Variants in KLHL25 observed in about 807,000 individuals in gnomAD.
The protein encoded by KLHL25 is kelch-like protein 25.
A neutral mutation model predicts 30.0 loss-of-function variants in KLHL25; 41 were observed. The observed-to-expected ratio is 1.37, with a 90% CI of 1.07 to 1.78. The LOEUF (loss-of-function observed/expected upper bound fraction) is 1.78. KLHL25 is among the 40% of genes most tolerant of loss of function. The pLI, the probability that KLHL25 is intolerant of heterozygous loss-of-function variation, is 0.00. For missense variants in KLHL25, 971 were observed against 824.5 expected (o/e 1.18, Z -2.18); for synonymous variants, 399 against 355.3 (o/e 1.12, Z -1.38).
At chr15:85,771,440 C>T (rs369998188) in intron 1 of KLHL25, among the ~76,000 whole-genome samples, 3 of 152,252 alleles carry the variant, frequency 2.0e-5, no homozygotes, top group East Asian at 1.9e-4. Context: ...AGGTAGGAAA[C>T]GATTTCATGC....
chr15:85,774,077 C>T (rs992515589), intron 1 of KLHL25, among the ~76,000 whole-genome samples: 3 of 152,142 alleles, frequency 2.0e-5, no homozygotes, highest in African/African-American at 7.2e-5. Context: ...GATGCAAAAG[C>T]AGCCCAAGCC....
At chr15:85,772,039 G>C (rs1226532843) in intron 1 of KLHL25, among the ~76,000 whole-genome samples, 1 of 152,162 alleles carries the variant, frequency 6.6e-6, no homozygotes, top group Non-Finnish European at 1.5e-5. Flanking sequence ...TGCTGTGATT[G>C]CTAAACTCTC....
intron 1 of KLHL25, chr15:85,770,845 G>C (rs1019006108): frequency 2.9e-6 from 1 of 340,632 alleles, no homozygotes; most frequent in African/African-American, 2.2e-5. Context: ...TGATGGCCAA[G>C]AAACAGGTTC....
intron 1 of KLHL25, among the ~76,000 whole-genome samples, chr15:85,794,428 A>C (rs1400366941): frequency 6.6e-6 from 1 of 152,256 alleles, no homozygotes; most frequent in Non-Finnish European, 1.5e-5. Context: ...TAATTTTTTA[A>C]AAAAAAGAGT....
intron 2 of KLHL25, chr15:85,761,369 T>C (rs2089581644): frequency 6.6e-6 from 1 of 152,264 alleles, no homozygotes; most frequent in Admixed American, 6.5e-5. Flanking sequence ...GTGAGAGCCG[T>C]GGTTGCAGGT....
chr15:85,773,065 C>T (rs370343468), intron 1 of KLHL25, among the ~76,000 whole-genome samples: 2 of 152,356 alleles, frequency 1.3e-5, no homozygotes, highest in East Asian at 1.9e-4. Flanking sequence ...CACTGGAGCC[C>T]CACTTTACAG....
chr15:85,784,988 A>C (rs766040457), intron 1 of KLHL25, among the ~76,000 whole-genome samples: 15 of 152,198 alleles, frequency 9.9e-5, no homozygotes, highest in South Asian at 2.1e-4. Context: ...CATTAAAAAC[A>C]CACCAGGTAA....
intron 1 of KLHL25, among the ~76,000 whole-genome samples, chr15:85,773,172 G>C (rs1029819528): frequency 3.3e-5 from 5 of 152,242 alleles, no homozygotes; most frequent in African/African-American, 1.2e-4. Context: ...ACCATGTGTG[G>C]GGCTCACTGA....
chr15:85,785,942 G>A (rs1204676904), intron 1 of KLHL25, among the ~76,000 whole-genome samples: 2 of 151,494 alleles, frequency 1.3e-5, no homozygotes, highest in African/African-American at 4.9e-5. Context: ...TGGGACAGGA[G>A]CCCAGCAAAG....
In KLHL25 at chr15:85,759,730, GC is replaced by G. The variant is rs2089567381; in HGVS notation, c.*1305del. 1 of 152,306 alleles carries G rather than the reference GC, an allele frequency of 6.6e-6. No individual in the cohort carries two copies. Among genetic ancestry groups the G allele is most frequent in the Admixed American group, 6.5e-5 (1 of 15,290 alleles). 9.4% of individuals were successfully genotyped at this position (152,306 alleles called of 1,614,324 possible). On this transcript the variant is annotated 3_prime_UTR_variant, in exon 3 of 3. Transcript: ENST00000337975. ...TGCTTAAGTAACTGGTATGTGCACAGCCCCCTCCGCGGCCCTAATCTTGAGC... is the reference window on the plus strand; with the variant it reads ...TGCTTAAGTAACTGGTATGTGCACAGCCCCTCCGCGGCCCTAATCTTGAGC...
intron 1 of KLHL25, among the ~76,000 whole-genome samples, chr15:85,772,682 G>A (rs1306916128): frequency 1.3e-5 from 2 of 152,206 alleles, no homozygotes; most frequent in East Asian, 1.9e-4. Flanking sequence ...TCAAAAGACC[G>A]AGAAAGCCAA....
At chr15:85,786,089 G>A (rs1224221560) in intron 1 of KLHL25, among the ~76,000 whole-genome samples, 2 of 151,876 alleles carry the variant, frequency 1.3e-5, no homozygotes, top group African/African-American at 2.4e-5. Context: ...ACTGCTTTCA[G>A]CGAGGCCCCT....
chr15:85,791,625 G>A (rs1177244010), intron 1 of KLHL25, among the ~76,000 whole-genome samples: 1 of 152,178 alleles, frequency 6.6e-6, no homozygotes, highest in Non-Finnish European at 1.5e-5. Flanking sequence ...TAGGGGGCGG[G>A]GGTGAGGTGA....
chr15:85,788,254 G>A (rs1240784679), intron 1 of KLHL25, among the ~76,000 whole-genome samples: 1 of 152,164 alleles, frequency 6.6e-6, no homozygotes, highest in African/African-American at 2.4e-5. Context: ...TGCACGAGCT[G>A]TGCTACCCAC....
At chr15:85,779,261 C>T (rs993676720) in intron 1 of KLHL25, among the ~76,000 whole-genome samples, 1 of 152,116 alleles carries the variant, frequency 6.6e-6, no homozygotes. Flanking sequence ...AAGCCACACC[C>T]AGGAGCTCCA....
At chr15:85,793,688 A>G (rs941275397) in intron 1 of KLHL25, among the ~76,000 whole-genome samples, 1 of 152,126 alleles carries the variant, frequency 6.6e-6, no homozygotes, top group African/African-American at 2.4e-5. Context: ...TCCTGGTGCT[A>G]CTGCTAACTT....
chr15:85,768,902 C>T lies in KLHL25; in HGVS notation c.909G>A (p.Gln303=). Reference sequence around the variant, plus strand: ...GGTAGATCTTGTCACACATGAAGGTCTGGCCCCCCAGGATGAGTAGCGTGT... The same window carrying T: ...GGTAGATCTTGTCACACATGAAGGTTTGGCCCCCCAGGATGAGTAGCGTGT... ...AGHTLLILGG[Q]TFMCDKIYQV... is the part of the protein sequence containing the mutation. The change falls in exon 2 of 3, where the codon CAG becomes CAA. Residue 303 remains glutamine, a synonymous_variant. Transcript: ENST00000337975. 6.2e-7 allele frequency: 1 copy of T among 1,613,390 alleles called. No homozygotes were observed. Among genetic ancestry groups the T allele is most frequent in the East Asian group, 2.2e-5 (1 of 44,884 alleles).
chr15:85,760,597 C>G lies in KLHL25; in HGVS notation c.*439G>C, dbSNP rs552835878. ...ACACCATCTATAGATGGCAGTAGAG[C>G]CCCAGCAGGGCAGGCCAGGAGGGAA... On this transcript the variant is annotated 3_prime_UTR_variant, in exon 3 of 3. Coordinates refer to ENST00000337975, the MANE Select transcript of KLHL25 (RefSeq NM_022480.4). 1 of 152,250 alleles carries G rather than the reference C, an allele frequency of 6.6e-6. No individual in the cohort carries two copies. The highest frequency in any genetic ancestry group is 6.5e-5 in the Admixed American group (1 of 15,290). The allele number at this position is 152,250 out of a possible 1,614,324, so 9.4% of individuals were successfully genotyped here.
intron 1 of KLHL25, among the ~76,000 whole-genome samples, chr15:85,772,034 T>G (rs577613592): frequency 6.6e-6 from 1 of 152,300 alleles, no homozygotes; most frequent in South Asian, 2.1e-4. Flanking sequence ...AATCTTGCTG[T>G]GATTGCTAAA....
Sources: allele counts gnomAD v4.1 joint callset (sites outside exome capture counted in the v4.1 genomes callset), GRCh38; gene constraint gnomAD v4.1.1; transcripts MANE v1.5; gene names NCBI Gene and HGNC (gene_info 2026-07-23, HGNC 2026-07-21).